Variants in BRD1 observed in about 807,000 individuals in gnomAD.
BRD1 encodes bromodomain-containing protein 1.
In BRD1, 24 loss-of-function variants were observed where a neutral mutation model predicts 107.7. The observed-to-expected ratio is 0.22, with a 90% CI of 0.16 to 0.31. BRD1 has a LOEUF of 0.31. Among genes scored for constraint, BRD1 ranks in the 10% least tolerant of loss-of-function variants. The probability of loss-of-function intolerance (pLI) is 1.00; values close to 1 mark genes in which losing one functional copy is unlikely to be tolerated. For synonymous variants in BRD1, 744 were observed against 686.1 expected (o/e 1.08, Z -1.32); for missense variants, 1,279 against 1,638.6 (o/e 0.78, Z 3.79).
intron 7 of BRD1, among the ~76,000 whole-genome samples, chr22:49,793,487 A>G (rs1036017570): frequency 6.6e-6 from 1 of 152,222 alleles, no homozygotes; most frequent in Non-Finnish European, 1.5e-5. Context: ...CCAACTCTGC[A>G]GAGGAGCTGG....
chr22:49,782,413 AC>A (rs2059228909), intron 8 of BRD1, among the ~76,000 whole-genome samples: 1 of 150,478 alleles, frequency 6.6e-6, no homozygotes, highest in African/African-American at 2.5e-5. Context: ...TCAGAGACAG[AC>A]CCAAGGCCCA....
chr22:49,784,196 CA>C (rs952503932), intron 8 of BRD1, among the ~76,000 whole-genome samples: 16 of 149,172 alleles, frequency 1.1e-4, no homozygotes, highest in African/African-American at 4.0e-4. Context: ...AGACTCGCAG[CA>C]GGGGTCTCCG....
chr22:49,822,878 C>T, intron 2 of BRD1, 73 bp downstream of exon 2: 4 of 1,542,138 alleles, frequency 2.6e-6, no homozygotes, highest in South Asian at 1.2e-5. Flanking sequence ...ACGGGCCCTG[C>T]AGGCTGTGCC....
At chr22:49,787,350 G>C (rs2059349055) in intron 8 of BRD1, 40 bp downstream of exon 8, 1 of 1,554,326 alleles carries the variant, frequency 6.4e-7, no homozygotes, top group Non-Finnish European at 8.6e-7. Context: ...CCAGGCACTG[G>C]TCGGCAAGGG....
chr22:49,798,161 G>T, intron 5 of BRD1, 44 bp from the exon 6 acceptor site: 1 of 1,493,638 alleles, frequency 6.7e-7, no homozygotes, highest in Non-Finnish European at 9.2e-7. Flanking sequence ...ACTAAAACAG[G>T]ATATTAGTTG....
intron 8 of BRD1, among the ~76,000 whole-genome samples, chr22:49,782,061 T>C (rs1348005929): frequency 1.8e-3 from 178 of 100,908 alleles, no homozygotes; most frequent in Middle Eastern, 9.4e-3. Context: ...ACCCAAGGCC[T>C]ATGTTGCTGG....
rs114167684 is a variant in BRD1, at chr22:49,799,502, A to G, written c.1525-383T>C. Among the ~76,000 whole-genome samples, 1,074 of 152,372 alleles carry G rather than the reference A, an allele frequency of 7.0e-3. 14 individuals carry two copies. The highest frequency in any genetic ancestry group is 0.024 in the African/African-American group (1,010 of 41,594). On this transcript the variant is annotated intron_variant, in intron 3 of 12. Transcript: ENST00000404760. ...GGGGGACCCTTGAGGACCCACCTCC[A>G]GGACAGCTGGGAATGGAGGGAGCGG...
intron 8 of BRD1, among the ~76,000 whole-genome samples, chr22:49,785,712 C>A (rs2059310068): frequency 1.3e-5 from 2 of 152,216 alleles, no homozygotes; most frequent in South Asian, 4.1e-4. Context: ...AACATCAATC[C>A]ATCAAAGTAA....
intron 2 of BRD1, among the ~76,000 whole-genome samples, chr22:49,812,652 G>A (rs1479979219): frequency 6.6e-6 from 1 of 152,242 alleles, no homozygotes; most frequent in Non-Finnish European, 1.5e-5. Context: ...AATTAACGGT[G>A]TAAAGAGTCC....
At chr22:49,778,773 T>A (rs1032195401) in intron 8 of BRD1, among the ~76,000 whole-genome samples, 3 of 152,214 alleles carry the variant, frequency 2.0e-5, no homozygotes, top group African/African-American at 7.2e-5. Context: ...GCCATTCTCC[T>A]GCCTCAGCCT....
At position 49,777,123 on chromosome 22, in the gene BRD1, A is replaced by G; in HGVS notation, c.3032T>C (p.Leu1011Pro). Reference sequence around the variant, plus strand: ...GTCCTCCAGCGTGTGCCGTCGCACAAGAGCCGGTTTGCCCCGCCCACATTT... The same window carrying G: ...GTCCTCCAGCGTGTGCCGTCGCACAGGAGCCGGTTTGCCCCGCCCACATTT... ...APKCGRGKPA[L>P]VRRHTLEDRS... Residue 1011 changes from leucine to proline, a missense_variant, in exon 10 of 13, where the codon CTT becomes CCT. Physicochemically the swap from Leu to Pro is moderately conservative, Grantham distance 98. Transcript: ENST00000404760. The G allele has an allele frequency of 6.2e-7, 1 of 1,613,338 alleles. No individual in the cohort carries two copies. Among genetic ancestry groups the G allele is most frequent in the Non-Finnish European group, 8.5e-7 (1 of 1,179,996 alleles).
In BRD1 at chr22:49,824,342, G is replaced by A. The variant is rs920067914; in HGVS notation, c.-14-11C>T. On this transcript the variant is annotated splice_polypyrimidine_tract_variant and intron_variant, in intron 1 of 12. Coordinates refer to ENST00000404760, the MANE Select transcript of BRD1 (RefSeq NM_001304808.3). This position sits in a 1 kb window ranked among gnomAD's most constrained non-coding sequence, Gnocchi z 5.9. ...TTTGGTAATGATTACCTAAAATGAA[G>A]GCAAAAGTAAAGGTAATTCTACGCA... is the stretch of plus-strand genomic sequence containing the variant. 3 of 1,608,844 alleles carry A rather than the reference G, an allele frequency of 1.9e-6. No homozygotes were observed. Among genetic ancestry groups the A allele is most frequent in the Admixed American group, 1.7e-5 (1 of 59,528 alleles).
At chr22:49,814,050 C>T (rs1385806064) in intron 2 of BRD1, among the ~76,000 whole-genome samples, 1 of 151,898 alleles carries the variant, frequency 6.6e-6, no homozygotes, top group East Asian at 1.9e-4. Context: ...GACGGGTGCA[C>T]GAACGGAATT....
intron 6 of BRD1, 108 bp downstream of exon 6, chr22:49,797,697 G>T: frequency 8.6e-7 from 1 of 1,156,106 alleles, no homozygotes; most frequent in Non-Finnish European, 1.2e-6. Flanking sequence ...GCGGTTGCAT[G>T]CTAGTGGCTC....
At position 49,794,252 on chromosome 22, in the gene BRD1, A is replaced by G. The variant is rs748818284; in HGVS notation, c.2141T>C (p.Leu714Pro). 73 of 1,613,624 alleles carry G rather than the reference A, an allele frequency of 4.5e-5. 1 individual carries two copies. In the South Asian group the frequency reaches 7.2e-4, roughly 16 times the overall value. ...LDPANRAHLG[L>P]EEQLRELLDM... is the part of the protein sequence containing the mutation. ...CAGCAGCTCTCTCAGCTGCTCCTCCAGGCCCAGGTGGGCTCTGTTGGCGGG... is the reference window on the plus strand; with the variant it reads ...CAGCAGCTCTCTCAGCTGCTCCTCCGGGCCCAGGTGGGCTCTGTTGGCGGG... Residue 714 changes from leucine (L) to proline (P), a missense_variant, in exon 7 of 13, where the codon CTG (leucine) becomes CCG (proline). Transcript: ENST00000404760.
chr22:49,780,191 A>C (rs1467197014), intron 8 of BRD1, among the ~76,000 whole-genome samples: 1 of 152,180 alleles, frequency 6.6e-6, no homozygotes, highest in Non-Finnish European at 1.5e-5. Flanking sequence ...AACACAGCCA[A>C]GCCATGCACA....
intron 7 of BRD1, among the ~76,000 whole-genome samples, chr22:49,788,828 A>T (rs2059378059): frequency 6.6e-6 from 1 of 152,232 alleles, no homozygotes; most frequent in African/African-American, 2.4e-5. Flanking sequence ...AAGTGACATA[A>T]AACACTTTAA....
chr22:49,781,574 C>T lies in BRD1; in HGVS notation c.2858-3761G>A, dbSNP rs950345974. Among the ~76,000 whole-genome samples the T allele has an allele frequency of 2.6e-5, 4 of 152,224 alleles. No homozygotes were observed. In the East Asian group the frequency reaches 5.8e-4, roughly 22 times the overall value. On this transcript the variant is annotated intron_variant, in intron 8 of 12. Transcript: ENST00000404760. ...ACCTGAGGGCACGGAGCCATGGGAA[C>T]GCAACCCCACAACACGGGATACAAG...
At chr22:49,820,076 G>A (rs1480223555) in intron 2 of BRD1, among the ~76,000 whole-genome samples, 1 of 151,916 alleles carries the variant, frequency 6.6e-6, no homozygotes, top group Non-Finnish European at 1.5e-5. Flanking sequence ...GTTGCAGTGA[G>A]CCAAGATCAC....
Sources: gnomAD v4.1 joint callset for allele counts (sites outside exome capture counted in the v4.1 genomes callset) on GRCh38, gnomAD v4.1.1 for gene constraint, Gnocchi (gnomAD v3.1) non-coding constraint, MANE v1.5 for transcripts, NCBI Gene and HGNC (gene_info 2026-07-23, HGNC 2026-07-21) for gene names.